The following IBTK variants were observed in gnomAD, a reference collection of about 807,000 sequenced individuals.
The protein encoded by IBTK is BTK-binding protein.
Under a neutral mutation model 154.9 loss-of-function variants are expected in IBTK, and 83 were observed. That is an observed-to-expected ratio of 0.54 (90% CI 0.45 to 0.64). The LOEUF (loss-of-function observed/expected upper bound fraction) is 0.64. IBTK is among the 30% of genes least tolerant of loss of function. IBTK has a pLI of 0.00. For missense variants in IBTK, 1,332 were observed against 1,584.6 expected, an observed-to-expected ratio of 0.84 and a Z score of 2.71; for synonymous variants, 515 against 536.1, an observed-to-expected ratio of 0.96 and a Z score of 0.54.
Position 82,214,528 on chromosome 6 carries a change from T to C in IBTK, c.1903A>G (p.Ile635Val), listed in dbSNP as rs148564254. The C allele has an allele frequency of 2.2e-5, 35 of 1,613,936 alleles. No individual in the cohort carries two copies. The African/African-American group carries it at 3.3e-4, about 15-fold the overall frequency. ...PDMFEYLLQF[I>V]YTDTCDFLTH... ...AAAAAGTCACAAGTATCTGTGTATATAAATTGTAAAAGGTATTCAAACATG... is the reference window on the plus strand; with the variant it reads ...AAAAAGTCACAAGTATCTGTGTATACAAATTGTAAAAGGTATTCAAACATG... Residue 635 changes from isoleucine (I) to valine (V), a missense_variant, in exon 12 of 29, where the codon ATA (isoleucine) becomes GTA (valine). Physicochemically the swap from Ile to Val is conservative, Grantham distance 29 (BLOSUM62 3). Transcript: ENST00000306270.
At chr6:82,234,339 A>ATTT in intron 2 of IBTK, 84 bp from the exon 3 acceptor site, 7 of 350,386 alleles carry the variant, frequency 2.0e-5, no homozygotes, top group Middle Eastern at 1.0e-3. Context: ...TTTTATTATT[A>ATTT]TTTTTTTTTT....
intron 25 of IBTK, among the ~76,000 whole-genome samples, chr6:82,183,041 G>C (rs529830601): frequency 6.6e-6 from 1 of 152,272 alleles, no homozygotes; most frequent in Non-Finnish European, 1.5e-5. Context: ...GTTTTAAGCT[G>C]TTGTTCAAGT....
intron 17 of IBTK, among the ~76,000 whole-genome samples, chr6:82,204,569 C>A (rs545234876): frequency 6.6e-6 from 1 of 152,136 alleles, no homozygotes; most frequent in African/African-American, 2.4e-5. Flanking sequence ...TAAACTCTCA[C>A]CCTTGAAATT....
At chr6:82,228,410 C>G (rs1416600114) in intron 4 of IBTK, among the ~76,000 whole-genome samples, 2 of 151,994 alleles carry the variant, frequency 1.3e-5, no homozygotes, top group Non-Finnish European at 2.9e-5. Flanking sequence ...TTAGCTGTAC[C>G]ACAAATACCT....
At chr6:82,216,273 C>T (rs1387145410) in intron 10 of IBTK, 23 bp from the exon 11 acceptor site, 34 of 1,484,726 alleles carry the variant, frequency 2.3e-5, no homozygotes, top group Non-Finnish European at 3.0e-5. Flanking sequence ...AATAAACTAC[C>T]ATTAATCAAG....
intron 16 of IBTK, among the ~76,000 whole-genome samples, chr6:82,208,965 C>CA (rs1582219481): frequency 2.0e-5 from 3 of 151,852 alleles, no homozygotes; most frequent in Non-Finnish European, 4.4e-5. Context: ...TACAAATGAC[C>CA]AAAAAGCATA....
At chr6:82,173,132 G>C (rs116651823) in intron 27 of IBTK, 1 of 323,562 alleles carries the variant, frequency 3.1e-6, no homozygotes, top group Non-Finnish European at 5.6e-6. Context: ...TTCATGAGTA[G>C]CTGGCATCAC....
chr6:82,238,792 G>A (rs1770832157), intron 2 of IBTK, among the ~76,000 whole-genome samples: 1 of 151,828 alleles, frequency 6.6e-6, no homozygotes, highest in South Asian at 2.1e-4. Context: ...AGGCTGGAGT[G>A]CAGTGACACG....
At position 82,234,234 on chromosome 6, in the gene IBTK, G is replaced by C. The variant is rs776354633; in HGVS notation, c.343C>G (p.Gln115Glu). The C allele has an allele frequency of 1.3e-6, 2 of 1,591,926 alleles. No individual in the cohort carries two copies. The highest frequency in any genetic ancestry group is 3.4e-5 in the Admixed American group (2 of 59,506). Residue 115 changes from glutamine to glutamate, a missense_variant, in exon 3 of 29, where the codon CAA becomes GAA. By Grantham distance (29) the Gln-to-Glu change is conservative. This residue lies in a region of IBTK where 114 missense variants were observed against 213.7 expected (regional missense o/e 0.53). Coordinates refer to ENST00000306270, the MANE Select transcript of IBTK (RefSeq NM_015525.4). ...LLKHGVSLYIQDKEGLSALDL... is the reference protein window; with the variant it reads ...LLKHGVSLYIEDKEGLSALDL... ...AAAGCTGACAAGCCTTCTTTATCTT[G>C]AATATACAGACTAACACCATGCTAA...
intron 26 of IBTK, among the ~76,000 whole-genome samples, chr6:82,181,016 T>C (rs776752356): frequency 9.9e-5 from 15 of 152,238 alleles, no homozygotes; most frequent in Non-Finnish European, 1.8e-4. Context: ...TTTTAAATTA[T>C]AGATAGATTT....
At chr6:82,223,388 G>A (rs1372287705) in intron 8 of IBTK, 52 bp downstream of exon 8, 42 of 1,408,554 alleles carry the variant, frequency 3.0e-5, no homozygotes, top group Non-Finnish European at 3.8e-5. Flanking sequence ...ATATTTGCTG[G>A]AAGAGTTGAA....
intron 25 of IBTK, among the ~76,000 whole-genome samples, chr6:82,187,699 A>G (rs190789045): frequency 1.7e-4 from 26 of 152,322 alleles, no homozygotes; most frequent in Admixed American, 9.8e-4. Flanking sequence ...TACTGGAGAC[A>G]GAGTATGTAT....
Position 82,217,979 on chromosome 6 carries a change from T to C in IBTK, c.1407A>G (p.Arg469=), listed in dbSNP as rs192352451. The C allele has an allele frequency of 4.4e-4, 704 of 1,599,286 alleles. 1 individual carries two copies. Among genetic ancestry groups the C allele is most frequent in the Non-Finnish European group, 5.8e-4 (683 of 1,174,956 alleles). ...ACTGACCTTTCTTTTCAGAACTCTTTCTTTTCTCTTCAAACCATCTCCCTC... is the reference window on the plus strand; with the variant it reads ...ACTGACCTTTCTTTTCAGAACTCTTCCTTTTCTCTTCAAACCATCTCCCTC... ...GFRGRWFEEK[R]KSSEKKEILS... Residue 469 remains arginine, a synonymous_variant, in exon 10 of 29, where the codon AGA becomes AGG. Transcript: ENST00000306270.
rs564804761 is a variant in IBTK at position 82,204,927 on chromosome 6, A to G, written c.2541T>C (p.Val847=). 9 of 1,604,966 alleles carry G rather than the reference A, an allele frequency of 5.6e-6. No individual in the cohort carries two copies. In the African/African-American group the frequency reaches 1.1e-4, roughly 19 times the overall value. ...ESQNVDFICS[V]LVVADQLLIT... is the part of the protein sequence containing the mutation. ...TGAGAAGTTGATCAGCCACCACAAGAACACTACAAATAAAATCTACATTTT... is the reference window on the plus strand; with the variant it reads ...TGAGAAGTTGATCAGCCACCACAAGGACACTACAAATAAAATCTACATTTT... Residue 847 remains valine, a synonymous_variant, in exon 17 of 29, where the codon GTT becomes GTC. Coordinates refer to ENST00000306270, the MANE Select transcript of IBTK (RefSeq NM_015525.4).
At position 82,211,584 on chromosome 6, in the gene IBTK, T is replaced by A; in HGVS notation, c.2292-12A>T. 6.2e-7 allele frequency: 1 copy of A among 1,604,514 alleles called. No individual in the cohort carries two copies. Among genetic ancestry groups the A allele is most frequent in the Non-Finnish European group, 8.5e-7 (1 of 1,171,634 alleles). Reference sequence around the variant, plus strand: ...CACACAGAAATGAACTGCAAGAAAATGTTTAATTGAAGCAAGAGCAATTTC... The same window carrying A: ...CACACAGAAATGAACTGCAAGAAAAAGTTTAATTGAAGCAAGAGCAATTTC... On this transcript the variant is annotated splice_polypyrimidine_tract_variant and intron_variant, in intron 13 of 28. Transcript: ENST00000306270.
intron 3 of IBTK, among the ~76,000 whole-genome samples, chr6:82,233,923 G>T (rs527860973): frequency 6.6e-6 from 1 of 151,900 alleles, no homozygotes; most frequent in Non-Finnish European, 1.5e-5. Flanking sequence ...TAGTAGAGAC[G>T]GGGTTGTACC....
chr6:82,205,959 T>G (rs1769394735), intron 16 of IBTK: 1 of 151,838 alleles, frequency 6.6e-6, no homozygotes, highest in Non-Finnish European at 1.5e-5. Flanking sequence ...AAAGATGAAG[T>G]CACTAGGAAT....
intron 1 of IBTK, among the ~76,000 whole-genome samples, chr6:82,246,650 A>G (rs183662349): frequency 1.0e-3 from 158 of 152,212 alleles, no homozygotes; most frequent in Non-Finnish European, 4.1e-4. Context: ...GCTTCTGCAA[A>G]TATTTGCAAA....
Position 82,218,094 on chromosome 6 carries a change from C to T in IBTK, c.1292G>A (p.Arg431Gln), listed in dbSNP as rs778610258. 18 of 1,597,964 alleles carry T rather than the reference C, an allele frequency of 1.1e-5. No individual in the cohort carries two copies. Among genetic ancestry groups the T allele is most frequent in the Middle Eastern group, 3.3e-4 (2 of 6,016 alleles). The change falls in exon 10 of 29, where the codon CGA (arginine) becomes CAA (glutamine). Residue 431 changes from arginine (R) to glutamine (Q), a missense_variant. By Grantham distance (43) the Arg-to-Gln change is conservative. Coordinates refer to ENST00000306270, the MANE Select transcript of IBTK (RefSeq NM_015525.4). ...RSVNSSLKQC[R>Q]WAYPRQVFIS... Reference sequence around the variant, plus strand: ...GAAGACCTGACGTGGATAGGCCCATCGACACTGCTTCAGAGAACTGTTGAC... The same window carrying T: ...GAAGACCTGACGTGGATAGGCCCATTGACACTGCTTCAGAGAACTGTTGAC...
Sources: allele counts gnomAD v4.1 joint callset (sites outside exome capture counted in the v4.1 genomes callset), GRCh38; gene constraint gnomAD v4.1.1; regional missense constraint gnomAD v4.1.1; transcripts MANE v1.5; gene names NCBI Gene and HGNC (gene_info 2026-07-23, HGNC 2026-07-21).